Variants in NEB observed in about 807,000 individuals in gnomAD.
NEB encodes the protein nemaline myopathy type 2.
NEB carries 512 observed loss-of-function variants against 952.2 expected under a neutral mutation model. That is an observed-to-expected ratio of 0.54 (90% confidence interval 0.50 to 0.58). The LOEUF is 0.58. NEB is among the 20% of genes least tolerant of loss of function. The pLI, the probability that NEB is intolerant of heterozygous loss-of-function variation, is 0.00. For synonymous variants in NEB, 2,900 were observed against 3,149.8 expected (o/e 0.92, Z 2.66); for missense variants, 8,428 against 9,231.1 (o/e 0.91, Z 3.56).
intron 52 of NEB, among the ~76,000 whole-genome samples, chr2:151,652,462 T>C (rs1453956339): frequency 1.3e-5 from 2 of 152,140 alleles, no homozygotes; most frequent in African/African-American, 2.4e-5. Context: ...TGGCTTCAAA[T>C]CATCTTCCTG....
chr2:151,647,341 C>T (rs978272940), intron 54 of NEB, among the ~76,000 whole-genome samples: 10 of 150,602 alleles, frequency 6.6e-5, no homozygotes, highest in South Asian at 2.1e-4. Flanking sequence ...AACTCCTGAT[C>T]GCAGGTGATC....
Position 151,666,238 on chromosome 2 carries a change from G to T in NEB, c.4883C>A (p.Pro1628His), listed in dbSNP as rs771495234. The change falls in exon 41 of 182, where the codon CCT (proline) becomes CAT (histidine). Residue 1628 changes from proline to histidine, a missense_variant. Around this residue, in one of 11 missense-constraint regions of NEB, gnomAD observed 2,851 missense variants for 2,791.5 expected, o/e 1.02. Coordinates refer to ENST00000397345, the MANE Select transcript of NEB (RefSeq NM_001164508.2). ...YEASKTKYHT[P>H]LDMVSVTAAK... The stretch of plus-strand genomic sequence containing the variant: ...AGCTGTCACACTGACCATATCCAGA[G>T]GTGTGTGGTACTTGGTCTTGCTGGC... 5.6e-6 allele frequency: 9 copies of T among 1,613,830 alleles called. No homozygotes were observed. The African/African-American group carries it at 8.0e-5, about 14-fold the overall frequency.
intron 140 of NEB, 67 bp from the exon 141 acceptor site, chr2:151,537,303 T>C: frequency 1.1e-6 from 1 of 895,744 alleles, no homozygotes; most frequent in South Asian, 1.4e-5. Flanking sequence ...TTAGTATCTA[T>C]ACAAGTGGAA....
chr2:151,548,526 AGG>A, intron 130 of NEB, 111 bp from the exon 131 acceptor site: 1 of 740,648 alleles, frequency 1.4e-6, no homozygotes, highest in Non-Finnish European at 2.3e-6. Flanking sequence ...GCTCTTTTTA[AGG>A]ATTAAGTATG....
At position 151,492,430 on chromosome 2, in the gene NEB, G is replaced by C; in HGVS notation, c.24830C>G (p.Pro8277Arg). 1 of 1,612,404 alleles carries C rather than the reference G, an allele frequency of 6.2e-7. No homozygotes were observed. The highest frequency in any genetic ancestry group is 8.5e-7 in the Non-Finnish European group (1 of 1,179,216). The change falls in exon 177 of 182, where the codon CCC becomes CGC. Residue 8277 changes from proline to arginine, a missense_variant. Physicochemically the swap from Pro to Arg is moderately radical, Grantham distance 103. This residue lies in a region of NEB where 3,374 missense variants were observed against 3,651.5 expected (regional missense o/e 0.92). Transcript: ENST00000397345. The part of the protein sequence containing the change: ...QGKAAYVLDT[P>R]EMRRVRETQR... ...GGTCTCCCTCACCCGTCTCATCTCGGGGGTATCCAATACATAGGCAGCTTT... is the reference window on the plus strand; with the variant it reads ...GGTCTCCCTCACCCGTCTCATCTCGCGGGTATCCAATACATAGGCAGCTTT...
intron 61 of NEB, 122 bp from the exon 62 acceptor site, chr2:151,640,182 C>T (rs917598262): frequency 2.1e-6 from 3 of 1,456,094 alleles, no homozygotes; most frequent in African/African-American, 2.8e-5. Flanking sequence ...CCAGGTATCA[C>T]ACAATATTCC....
intron 161 of NEB, among the ~76,000 whole-genome samples, chr2:151,509,251 C>T (rs1011079511): frequency 7.9e-5 from 12 of 152,226 alleles, no homozygotes; most frequent in Admixed American, 1.3e-4. Context: ...TCGGAAGAAA[C>T]GGTAGTTCAT....
At chr2:151,679,667 A>T (rs2099399953) in intron 32 of NEB, 54 bp downstream of exon 32, 3 of 486,372 alleles carry the variant, frequency 6.2e-6, no homozygotes, top group Non-Finnish European at 1.2e-5. Flanking sequence ...TCAGACCCCA[A>T]GCCCACCCAC....
chr2:151,639,159 T>C (rs2098815488), intron 63 of NEB, 121 bp downstream of exon 63: 5 of 723,736 alleles, frequency 6.9e-6, no homozygotes, highest in Middle Eastern at 7.4e-4. Context: ...ATGCAAGAGT[T>C]GTTATTCACA....
chr2:151,725,640 A>C, intron 5 of NEB, 80 bp from the exon 6 acceptor site: 1 of 1,154,880 alleles, frequency 8.7e-7, no homozygotes, highest in Non-Finnish European at 1.3e-6. Context: ...TTGATAAAAA[A>C]AAATCCTTCA....
rs1376539538 is a variant in NEB at position 151,697,632 on chromosome 2, T to C, written c.1169A>G (p.Asn390Ser). 3.1e-6 allele frequency: 5 copies of C among 1,608,684 alleles called. No individual in the cohort carries two copies. The highest frequency in any genetic ancestry group is 1.3e-5 in the African/African-American group (1 of 74,368). ...GCTCTTTGCTTTTGTCTTTTCATAG[T>C]TTTCCTTGTATAGTTTCTGTCAAAG... is the stretch of plus-strand genomic sequence containing the variant. ...DALSDKLYKE[N>S]YEKTKAKSIN... The change falls in exon 14 of 182, where the codon AAC becomes AGC. Residue 390 changes from asparagine (N) to serine (S), a missense_variant. By Grantham distance (46) the Asn-to-Ser change is conservative. This residue lies in a region of NEB where 2,851 missense variants were observed against 2,791.5 expected (regional missense o/e 1.02). Transcript: ENST00000397345.
At position 151,567,429 on chromosome 2, in the gene NEB, G is replaced by A; in HGVS notation, c.17895C>T (p.Val5965=). 15 of 1,613,444 alleles carry A rather than the reference G, an allele frequency of 9.3e-6. No homozygotes were observed. The highest frequency in any genetic ancestry group is 1.3e-5 in the Non-Finnish European group (15 of 1,179,682). Reference sequence around the variant, plus strand: ...GCTTAGGATCATCTCTCATCGTCGGGACACCAACATAATGACCTTTTTGCT... The same window carrying A: ...GCTTAGGATCATCTCTCATCGTCGGAACACCAACATAATGACCTTTTTGCT... The part of the protein sequence containing the change: ...HVKQKGHYVG[V]PTMRDDPKLV... Residue 5965 remains valine (V), a synonymous_variant, in exon 114 of 182, where the codon GTC becomes GTT. Transcript: ENST00000397345.
chr2:151,577,741 G>A (rs756177723), intron 105 of NEB, among the ~76,000 whole-genome samples: 1 of 152,054 alleles, frequency 6.6e-6, no homozygotes, highest in African/African-American at 2.4e-5. Flanking sequence ...ACCACGCCAG[G>A]CTAATTTTTG....
At chr2:151,512,986 T>C in intron 160 of NEB, 149 bp from the exon 161 acceptor site, 1 of 644,046 alleles carries the variant, frequency 1.6e-6, no homozygotes, top group Non-Finnish European at 2.7e-6. Flanking sequence ...ATTTTGTTCA[T>C]AGTTTTATAC....
At chr2:151,718,349 C>T (rs1392652467) in intron 9 of NEB, among the ~76,000 whole-genome samples, 1 of 152,192 alleles carries the variant, frequency 6.6e-6, no homozygotes, top group Non-Finnish European at 1.5e-5. Flanking sequence ...TGAACAACAG[C>T]TTGCTTGGGG....
chr2:151,657,422 TGTTGGTA>T (rs1293688789), intron 48 of NEB, among the ~76,000 whole-genome samples: 3 of 152,226 alleles, frequency 2.0e-5, no homozygotes, highest in African/African-American at 7.2e-5. Flanking sequence ...GACAGTGATG[TGTTGGTA>T]CACCTGCTTT....
intron 77 of NEB, among the ~76,000 whole-genome samples, 187 bp from the exon 78 acceptor site, chr2:151,612,576 C>T (rs1363583732): frequency 6.6e-6 from 1 of 152,072 alleles, no homozygotes; most frequent in Non-Finnish European, 1.5e-5. Flanking sequence ...TGAAGGTAGC[C>T]AATATTTACT....
intron 43 of NEB, 48 bp from the exon 44 acceptor site, chr2:151,664,656 A>T (rs1218665232): frequency 6.5e-7 from 1 of 1,547,086 alleles, no homozygotes; most frequent in African/African-American, 1.4e-5. Context: ...TTGGGGTTAG[A>T]ATAGAGGTCC....
intron 123 of NEB, 108 bp downstream of exon 123, chr2:151,560,896 A>G (rs1225394116): frequency 2.5e-6 from 2 of 802,574 alleles, no homozygotes; most frequent in Non-Finnish European, 3.9e-6. Context: ...CCAGGAAAAA[A>G]CCATAGAAAA....
Sources: allele counts gnomAD v4.1 joint callset (sites outside exome capture counted in the v4.1 genomes callset), GRCh38; gene constraint gnomAD v4.1.1; regional missense constraint gnomAD v4.1.1; transcripts MANE v1.5; gene names NCBI Gene and HGNC (gene_info 2026-07-23, HGNC 2026-07-21).